Variants in ADGRG5 observed in about 807,000 individuals in gnomAD.
ADGRG5 encodes the protein adhesion G protein-coupled receptor G5.
A neutral mutation model predicts 53.2 loss-of-function variants in ADGRG5; 37 were observed. That is an observed-to-expected ratio of 0.70 (90% CI 0.53 to 0.91). The LOEUF is 0.91. Ranked by LOEUF, ADGRG5 falls within the 40% of genes least tolerant of loss-of-function variation. The pLI, the probability that ADGRG5 is intolerant of heterozygous loss-of-function variation, is 0.00. For missense variants in ADGRG5, 614 were observed against 675.8 expected (o/e 0.91, Z 1.01); for synonymous variants, 277 against 290.4 (o/e 0.95, Z 0.47).
chr16:57,563,269 G>A, intron 4 of ADGRG5, 22 bp downstream of exon 4: 14 of 1,610,094 alleles, frequency 8.7e-6, no homozygotes, highest in Non-Finnish European at 1.2e-5. Context: ...CGGGTTGGGG[G>A]GTGTGGCCAG....
At chr16:57,563,798 C>G in intron 4 of ADGRG5, 50 bp from the exon 5 acceptor site, 1 of 1,610,394 alleles carries the variant, frequency 6.2e-7, no homozygotes, top group Non-Finnish European at 8.5e-7. Context: ...GTGTTGGGGT[C>G]AGGTCTCCAG....
In ADGRG5 at chr16:57,563,976, C is replaced by T. The variant is rs2033068661; in HGVS notation, c.426C>T (p.Phe142=). ...TCTACTTCTCCAACACCCACTTTTTCAAGGTCAGTGTGATGGCGGGCCAAG... is the reference window on the plus strand; with the variant it reads ...TCTACTTCTCCAACACCCACTTTTTTAAGGTCAGTGTGATGGCGGGCCAAG... ...ICIYFSNTHF[F]KDENNSSLLN... The change falls in exon 5 of 12, where the codon TTC becomes TTT. Residue 142 remains phenylalanine, a synonymous_variant. Coordinates refer to ENST00000349457, the MANE Select transcript of ADGRG5 (RefSeq NM_001304376.3). 6.2e-7 allele frequency: 1 copy of T among 1,611,978 alleles called. No homozygotes were observed. The highest frequency in any genetic ancestry group is 1.3e-5 in the African/African-American group (1 of 74,886).
chr16:57,539,448 G>A (rs2032456985), upstream of ADGRG5, among the ~76,000 whole-genome samples: 2 of 111,972 alleles, frequency 1.8e-5, no homozygotes, highest in South Asian at 6.9e-4. Flanking sequence ...CCATTGCACT[G>A]TACCCCTTTT....
At chr16:57,568,469 C>T (rs2033212012) in intron 9 of ADGRG5, among the ~76,000 whole-genome samples, 1 of 151,480 alleles carries the variant, frequency 6.6e-6, no homozygotes, top group African/African-American at 2.4e-5. Flanking sequence ...ATCTCATCCA[C>T]CTCTGTTATC....
chr16:57,575,540 C>A lies in ADGRG5; in HGVS notation c.*2C>A, dbSNP rs144586283. On this transcript the variant is annotated 3_prime_UTR_variant, in exon 12 of 12. Coordinates refer to ENST00000349457, the MANE Select transcript of ADGRG5 (RefSeq NM_001304376.3). Reference sequence around the variant, plus strand: ...AGCTCCTCCCAAACAACACAGTAGTCCGGGCCTCCTGGCCTGGAATCCTCA... The same window carrying A: ...AGCTCCTCCCAAACAACACAGTAGTACGGGCCTCCTGGCCTGGAATCCTCA... 4.7e-5 allele frequency: 75 copies of A among 1,611,792 alleles called. No individual in the cohort carries two copies. The Middle Eastern group carries it at 8.3e-4, about 18-fold the overall frequency.
In ADGRG5 at chr16:57,575,029, T is replaced by A; in HGVS notation, c.1423T>A (p.Phe475Ile). ...GGGAACCACCTGGGCCTTGGCCTTC[T>A]TTTCTTTTGGCGTCTTCCTGCTGCC... ...LLGTTWALAF[F>I]SFGVFLLPQL... is the part of the protein sequence containing the mutation. Residue 475 changes from phenylalanine to isoleucine, a missense_variant, in exon 11 of 12, where the codon TTT becomes ATT. Transcript: ENST00000349457. 6.2e-7 allele frequency: 1 copy of A among 1,614,006 alleles called. No individual in the cohort carries two copies. Among genetic ancestry groups the A allele is most frequent in the Non-Finnish European group, 8.5e-7 (1 of 1,179,998 alleles).
At chr16:57,563,356 C>A in intron 4 of ADGRG5, 109 bp downstream of exon 4, 1 of 949,404 alleles carries the variant, frequency 1.1e-6, no homozygotes, top group East Asian at 2.5e-5. Context: ...TCCCCACACC[C>A]CACAGTCCAG....
intron 1 of ADGRG5, among the ~76,000 whole-genome samples, chr16:57,545,516 G>T (rs952178702): frequency 2.0e-5 from 3 of 152,108 alleles, no homozygotes; most frequent in African/African-American, 7.2e-5. Flanking sequence ...CTGAAACCAC[G>T]TCTCTACAAT....
chr16:57,564,473 C>T (rs535229273), intron 5 of ADGRG5, among the ~76,000 whole-genome samples: 19 of 152,190 alleles, frequency 1.2e-4, no homozygotes, highest in South Asian at 2.1e-4. Context: ...AGCTAATTTT[C>T]GTATTTTTAG....
chr16:57,567,365 G>T, intron 7 of ADGRG5, 105 bp from the exon 8 acceptor site: 1 of 1,321,580 alleles, frequency 7.6e-7, no homozygotes, highest in Non-Finnish European at 1.0e-6. Flanking sequence ...CTAGGCTTGT[G>T]GGGAAGGGGA....
At chr16:57,572,139 C>T (rs2033380148) in intron 10 of ADGRG5, among the ~76,000 whole-genome samples, 1 of 151,064 alleles carries the variant, frequency 6.6e-6, no homozygotes, top group Non-Finnish European at 1.5e-5. Context: ...TAAAACATCT[C>T]TTACTATGTA....
intron 1 of ADGRG5, among the ~76,000 whole-genome samples, chr16:57,553,292 C>T (rs1195204917): frequency 2.0e-5 from 3 of 152,188 alleles, no homozygotes; most frequent in South Asian, 2.1e-4. Flanking sequence ...GCCAGGTATA[C>T]CTGTACAGTT....
At chr16:57,570,669 G>C in intron 10 of ADGRG5, 134 bp downstream of exon 10, 1 of 648,338 alleles carries the variant, frequency 1.5e-6, no homozygotes, top group Non-Finnish European at 2.7e-6. Flanking sequence ...CTTAGACAGG[G>C]GAGTTTGCAG....
At chr16:57,545,574 C>G (rs527864871) in intron 1 of ADGRG5, among the ~76,000 whole-genome samples, 12 of 152,186 alleles carry the variant, frequency 7.9e-5, no homozygotes, top group Non-Finnish European at 1.8e-4. Context: ...CCAGTTGATA[C>G]AATAAGTTGC....
At position 57,570,633 on chromosome 16, in the gene ADGRG5, G is replaced by A. The variant is rs557028416; in HGVS notation, c.1208+98G>A. 4.8e-5 allele frequency: 42 copies of A among 879,938 alleles called. 1 individual carries two copies. In the South Asian group the frequency reaches 5.4e-4, roughly 11 times the overall value. 54.5% of individuals were successfully genotyped at this position (879,938 alleles called of 1,614,324 possible). On this transcript the variant is annotated intron_variant, in intron 10 of 11. Transcript: ENST00000349457. Reference sequence around the variant, plus strand: ...GGAATATCCTGTAGGCAAAGCACTGGCTGTGGGGCAGAGAGGGAGCTGGGG... The same window carrying A: ...GGAATATCCTGTAGGCAAAGCACTGACTGTGGGGCAGAGAGGGAGCTGGGG...
At chr16:57,554,654 G>A (rs757490181) in intron 1 of ADGRG5, among the ~76,000 whole-genome samples, 20 of 152,100 alleles carry the variant, frequency 1.3e-4, no homozygotes, top group Non-Finnish European at 2.4e-4. Flanking sequence ...GGGATTACAG[G>A]TGTGAGCCAC....
Position 57,566,672 on chromosome 16 carries a change from A to G in ADGRG5, c.620A>G (p.Glu207Gly). The change falls in exon 7 of 12, where the codon GAG becomes GGG. Residue 207 changes from glutamate (E) to glycine (G), a missense_variant. Glu to Gly is a moderately conservative substitution (Grantham distance 98). Transcript: ENST00000349457. Reference sequence around the variant, plus strand: ...CAGCCCTGGGGGGGCTGGAGCCCTGAGGGCTGTCGTACAGAGCAGCCCTCC... The same window carrying G: ...CAGCCCTGGGGGGGCTGGAGCCCTGGGGGCTGTCGTACAGAGCAGCCCTCC... Reference protein sequence around the residue: ...RKQPWGGWSPEGCRTEQPSHS... With the variant: ...RKQPWGGWSPGGCRTEQPSHS... The G allele has an allele frequency of 6.3e-7, 1 of 1,594,350 alleles. No homozygotes were observed. The highest frequency in any genetic ancestry group is 8.5e-7 in the Non-Finnish European group (1 of 1,170,860).
At chr16:57,549,570 G>A (rs186177958) in intron 1 of ADGRG5, among the ~76,000 whole-genome samples, 24 of 152,130 alleles carry the variant, frequency 1.6e-4, no homozygotes, top group Admixed American at 9.8e-4. Context: ...CTTGTCTATA[G>A]AGGTATACAT....
intron 10 of ADGRG5, among the ~76,000 whole-genome samples, chr16:57,571,002 C>A (rs952741211): frequency 2.0e-5 from 3 of 152,210 alleles, no homozygotes; most frequent in East Asian, 3.9e-4. Flanking sequence ...TTGGGGGAGA[C>A]AAAGAGAGGC....
Sources: allele counts gnomAD v4.1 joint callset (sites outside exome capture counted in the v4.1 genomes callset), GRCh38; gene constraint gnomAD v4.1.1; transcripts MANE v1.5; gene names NCBI Gene and HGNC (gene_info 2026-07-23, HGNC 2026-07-21).